Variants in SGCG observed in about 807,000 individuals in gnomAD.
The protein encoded by SGCG is gamma-sarcoglycan.
SGCG carries 26 observed loss-of-function variants against 29.3 expected under a neutral mutation model. The observed-to-expected ratio is 0.89, with a 90% CI of 0.65 to 1.23. The LOEUF (loss-of-function observed/expected upper bound fraction) is 1.23. Ranked by LOEUF, SGCG falls within the 50% of genes most tolerant of loss-of-function variation. The pLI is 0.00. For synonymous variants in SGCG, 145 were observed against 129.7 expected (o/e 1.12, Z -0.80); for missense variants, 353 against 356.0 (o/e 0.99, Z 0.07).
At chr13:23,313,660 C>T (rs1882689065) in intron 6 of SGCG, among the ~76,000 whole-genome samples, 1 of 152,142 alleles carries the variant, frequency 6.6e-6, no homozygotes, top group African/African-American at 2.4e-5. Context: ...AGCTCAGTAC[C>T]ATAGGAAAAA....
chr13:23,237,009 A>G (rs1041309106), intron 3 of SGCG, among the ~76,000 whole-genome samples: 2 of 152,230 alleles, frequency 1.3e-5, no homozygotes, highest in African/African-American at 4.8e-5. Context: ...TGAGTCTAGG[A>G]AGCAATTTTC....
At chr13:23,229,750 G>GAT (rs1404067873) in intron 2 of SGCG, among the ~76,000 whole-genome samples, 1 of 152,144 alleles carries the variant, frequency 6.6e-6, no homozygotes, top group Non-Finnish European at 1.5e-5. Flanking sequence ...TTACTCTGTT[G>GAT]ATAGTTCCTT....
At chr13:23,261,760 A>G (rs2137587415) in intron 4 of SGCG, among the ~76,000 whole-genome samples, 1 of 152,228 alleles carries the variant, frequency 6.6e-6, no homozygotes, top group East Asian at 1.9e-4. Flanking sequence ...GTGAGACAAA[A>G]GGATCAGGTA....
intron 2 of SGCG, among the ~76,000 whole-genome samples, chr13:23,207,166 C>T (rs2137506351): frequency 6.6e-6 from 1 of 152,130 alleles, no homozygotes; most frequent in East Asian, 1.9e-4. Flanking sequence ...AAAATCCATG[C>T]ATGTGTGATC....
intron 6 of SGCG, among the ~76,000 whole-genome samples, chr13:23,301,009 A>G (rs111474440): frequency 0.01 from 1,576 of 152,152 alleles, 30 homozygotes; most frequent in African/African-American, 0.036. Flanking sequence ...CCAGCTACTC[A>G]GGAGGCTGAG....
chr13:23,299,431 TATATATATATA>T lies in SGCG; in HGVS notation c.578+3945_578+3955del, dbSNP rs1566037381. Among the ~76,000 whole-genome samples, 8 of 15,798 alleles carry T rather than the reference TATATATATATA, an allele frequency of 5.1e-4. 1 individual carries two copies. Among genetic ancestry groups the T allele is most frequent in the East Asian group, 4.8e-3 (3 of 624 alleles). The allele number at this position is 15,798 out of a possible 152,430, so 10.4% of individuals were successfully genotyped here. On this transcript the variant is annotated intron_variant, in intron 6 of 7. Transcript: ENST00000218867. ...GCATATATATATATATATATATATA[TATATATATATA>T]TATATATATATATATTTTTTTTTTT...
At position 23,194,719 on chromosome 13, in the gene SGCG, T is replaced by A. The variant is rs539406614; in HGVS notation, c.1-8976T>A. Reference sequence around the variant, plus strand: ...TGGATTGATGACATACCCTGATTGGTCAGCATGTACCACATACACACCTGT... The same window carrying A: ...TGGATTGATGACATACCCTGATTGGACAGCATGTACCACATACACACCTGT... On this transcript the variant is annotated intron_variant, in intron 1 of 7. Transcript: ENST00000218867. 1.1e-4 allele frequency among the ~76,000 whole-genome samples: 16 copies of A among 152,280 alleles called. No individual in the cohort carries two copies. The South Asian group carries it at 3.3e-3, about 32-fold the overall frequency.
At position 23,301,094 on chromosome 13, in the gene SGCG, C is replaced by T. The variant is rs542547254; in HGVS notation, c.578+5607C>T. ...CCACGCCACTGCACTCCAGCCTGGGCGACAGAGCGAGACTCCATCTCAAAA... is the reference window on the plus strand; with the variant it reads ...CCACGCCACTGCACTCCAGCCTGGGTGACAGAGCGAGACTCCATCTCAAAA... On this transcript the variant is annotated intron_variant, in intron 6 of 7. Coordinates refer to ENST00000218867, the MANE Select transcript of SGCG (RefSeq NM_000231.3). 1.6e-4 allele frequency among the ~76,000 whole-genome samples: 25 copies of T among 151,910 alleles called. No individual in the cohort carries two copies. The East Asian group carries it at 1.7e-3, about 11-fold the overall frequency.
At chr13:23,220,432 G>A (rs1878613644) in intron 2 of SGCG, among the ~76,000 whole-genome samples, 1 of 152,046 alleles carries the variant, frequency 6.6e-6, no homozygotes, top group Non-Finnish European at 1.5e-5. Context: ...CCTGGGCAAC[G>A]AGCGAAACTC....
chr13:23,190,668 A>G (rs1197023012), intron 1 of SGCG, among the ~76,000 whole-genome samples: 1 of 152,208 alleles, frequency 6.6e-6, no homozygotes, highest in Non-Finnish European at 1.5e-5. Flanking sequence ...TATGAAACTT[A>G]TAATTCTCAT....
At chr13:23,245,395 A>T (rs1879669225) in intron 3 of SGCG, 1 of 152,188 alleles carries the variant, frequency 6.6e-6, no homozygotes, top group Non-Finnish European at 1.5e-5. Context: ...TAATTGACTT[A>T]TGTGAGGGTT....
upstream of SGCG, among the ~76,000 whole-genome samples, chr13:23,177,568 C>CTTT (rs71100158): frequency 4.4e-3 from 334 of 76,402 alleles, 13 homozygotes; most frequent in African/African-American, 7.0e-3. Context: ...TGTGAGCAGG[C>CTTT]TTTTTTTTTT....
intron 2 of SGCG, among the ~76,000 whole-genome samples, chr13:23,223,962 T>C (rs915635128): frequency 4.1e-5 from 6 of 146,192 alleles, no homozygotes; most frequent in Non-Finnish European, 9.1e-5. Context: ...CAAGACTCCA[T>C]CTCAAAAAAA....
At chr13:23,303,433 C>G (rs1302307228) in intron 6 of SGCG, among the ~76,000 whole-genome samples, 1 of 152,252 alleles carries the variant, frequency 6.6e-6, no homozygotes, top group Non-Finnish European at 1.5e-5. Flanking sequence ...GAGCCCTACA[C>G]TTGCCCGAGC....
chr13:23,290,302 A>G (rs1881649778), intron 5 of SGCG, among the ~76,000 whole-genome samples: 2 of 152,218 alleles, frequency 1.3e-5, no homozygotes, highest in Admixed American at 6.5e-5. Context: ...AGTCTAGACT[A>G]GAGATAAATG....
intron 7 of SGCG, among the ~76,000 whole-genome samples, chr13:23,322,149 G>T (rs1467335058): frequency 1.3e-5 from 2 of 152,126 alleles, no homozygotes; most frequent in African/African-American, 4.8e-5. Context: ...CTTGTACATA[G>T]CTCTGTCTTA....
intron 2 of SGCG, among the ~76,000 whole-genome samples, chr13:23,227,302 C>T (rs1263588894): frequency 7.8e-6 from 1 of 128,454 alleles, no homozygotes; most frequent in Non-Finnish European, 1.6e-5. Context: ...CATTATACAC[C>T]TATTAAGAAT....
intron 3 of SGCG, among the ~76,000 whole-genome samples, chr13:23,243,334 C>T (rs905686384): frequency 1.5e-4 from 23 of 152,274 alleles, no homozygotes; most frequent in African/African-American, 5.5e-4. Context: ...ACATCCAAGA[C>T]ACACAGCCGG....
At chr13:23,318,215 T>G (rs1882904066) in intron 6 of SGCG, among the ~76,000 whole-genome samples, 1 of 149,850 alleles carries the variant, frequency 6.7e-6, no homozygotes, top group Admixed American at 6.7e-5. Flanking sequence ...CTACTAGTTA[T>G]GTCCTACTAG....
Sources: allele counts gnomAD v4.1 joint callset (sites outside exome capture counted in the v4.1 genomes callset), GRCh38; gene constraint gnomAD v4.1.1; transcripts MANE v1.5; gene names NCBI Gene and HGNC (gene_info 2026-07-23, HGNC 2026-07-21).